ASTN2: variants seen among roughly 807,000 people sequenced by gnomAD.
The protein encoded by ASTN2 is astrotactin-2.
Under a neutral mutation model 139.8 loss-of-function variants are expected in ASTN2, and 54 were observed. The observed-to-expected ratio is 0.39, with a 90% CI of 0.31 to 0.48. ASTN2 has a LOEUF of 0.48. Among genes scored for constraint, ASTN2 ranks in the 20% least tolerant of loss-of-function variants. The pLI, the probability that ASTN2 is intolerant of heterozygous loss-of-function variation, is 0.95. For synonymous variants in ASTN2, 756 were observed against 719.5 expected, an observed-to-expected ratio of 1.05 and a Z score of -0.81; for missense variants, 1,565 against 1,725.1, an observed-to-expected ratio of 0.91 and a Z score of 1.64.
chr9:116,839,882 T>A (rs1436375482), intron 11 of ASTN2, among the ~76,000 whole-genome samples: 3 of 61,816 alleles, frequency 4.9e-5, no homozygotes, highest in Non-Finnish European at 1.0e-4. Flanking sequence ...ATTATTATTA[T>A]TTTTTTTTTT....
chr9:116,530,679 A>C (rs545938180), intron 19 of ASTN2, among the ~76,000 whole-genome samples: 1 of 152,322 alleles, frequency 6.6e-6, no homozygotes, highest in Admixed American at 6.5e-5. Flanking sequence ...AAAATGAATG[A>C]GCCAAACAGG....
chr9:117,031,470 A>T (rs540149663), intron 6 of ASTN2, among the ~76,000 whole-genome samples: 1 of 152,306 alleles, frequency 6.6e-6, no homozygotes, highest in Non-Finnish European at 1.5e-5. Flanking sequence ...GCGGGCATCA[A>T]GTATGTTTTG....
intron 3 of ASTN2, among the ~76,000 whole-genome samples, chr9:117,147,250 G>T (rs1348407773): frequency 6.6e-6 from 1 of 152,028 alleles, no homozygotes; most frequent in African/African-American, 2.4e-5. Context: ...GACAAGCCTG[G>T]CCAACATGAT....
chr9:116,910,636 T>C (rs977564951), intron 10 of ASTN2, among the ~76,000 whole-genome samples: 5 of 152,102 alleles, frequency 3.3e-5, no homozygotes, highest in Admixed American at 3.3e-4. Flanking sequence ...CACCTTTGCC[T>C]GAGTTGAGGG....
At chr9:117,083,927 G>A (rs1294309781) in intron 5 of ASTN2, among the ~76,000 whole-genome samples, 1 of 151,466 alleles carries the variant, frequency 6.6e-6, no homozygotes, top group Admixed American at 6.6e-5. Flanking sequence ...GGAGGAGGGA[G>A]TTTTTATAGT....
chr9:117,067,932 A>G (rs1211710234), intron 5 of ASTN2, among the ~76,000 whole-genome samples: 2 of 121,180 alleles, frequency 1.7e-5, no homozygotes, highest in South Asian at 5.9e-4. Context: ...TTTTCTAGAT[A>G]TACAATCATG....
At chr9:116,534,912 C>A (rs1851543454) in intron 19 of ASTN2, among the ~76,000 whole-genome samples, 1 of 152,018 alleles carries the variant, frequency 6.6e-6, no homozygotes, top group African/African-American at 2.4e-5. Flanking sequence ...TTCCTAGATA[C>A]CCTTGTTAAC....
intron 3 of ASTN2, among the ~76,000 whole-genome samples, chr9:117,188,465 C>T (rs1209217315): frequency 1.3e-5 from 2 of 152,210 alleles, no homozygotes; most frequent in Middle Eastern, 3.4e-3. Flanking sequence ...GGGCTATCAT[C>T]TCCATTTTCC....
intron 10 of ASTN2, among the ~76,000 whole-genome samples, chr9:116,970,337 G>A (rs1205299175): frequency 6.6e-6 from 1 of 152,162 alleles, no homozygotes; most frequent in Non-Finnish European, 1.5e-5. Context: ...TCTAGGTCAT[G>A]CGAATGCTAC....
At chr9:116,496,634 T>C (rs1385902648) in intron 19 of ASTN2, among the ~76,000 whole-genome samples, 2 of 152,168 alleles carry the variant, frequency 1.3e-5, no homozygotes, top group African/African-American at 4.8e-5. Context: ...TGATTCCCAT[T>C]GGTTGGGTCC....
chr9:116,805,156 A>G (rs1830998090), intron 13 of ASTN2, among the ~76,000 whole-genome samples: 1 of 148,904 alleles, frequency 6.7e-6, no homozygotes, highest in Admixed American at 6.7e-5. Context: ...GCAGACAGGA[A>G]AAAACAGAGA....
At chr9:117,268,574 A>G (rs1833989066) in intron 2 of ASTN2, among the ~76,000 whole-genome samples, 3 of 152,120 alleles carry the variant, frequency 2.0e-5, no homozygotes, top group African/African-American at 7.2e-5. Context: ...ATGACTCAGG[A>G]CCCTGACCCA....
chr9:117,148,450 G>C (rs1436917200), intron 3 of ASTN2, among the ~76,000 whole-genome samples: 1 of 151,648 alleles, frequency 6.6e-6, no homozygotes, highest in Admixed American at 6.6e-5. Context: ...TGAAATTTTT[G>C]GTGTCATAAA....
intron 1 of ASTN2, among the ~76,000 whole-genome samples, chr9:117,396,927 T>C (rs894037606): frequency 6.9e-6 from 1 of 145,506 alleles, no homozygotes; most frequent in African/African-American, 2.5e-5. Flanking sequence ...GAATGGGGTA[T>C]CCATCCACTC....
chr9:117,268,415 A>G (rs1392346941), intron 2 of ASTN2, among the ~76,000 whole-genome samples: 2 of 152,186 alleles, frequency 1.3e-5, no homozygotes, highest in African/African-American at 2.4e-5. Context: ...TATTGACTGA[A>G]GTTCAAATCC....
chr9:117,290,646 T>C (rs1834565936), intron 2 of ASTN2, among the ~76,000 whole-genome samples: 1 of 152,268 alleles, frequency 6.6e-6, no homozygotes, highest in South Asian at 2.1e-4. Flanking sequence ...CAAGAAATTC[T>C]TGAATTGAGA....
At chr9:116,827,679 C>G (rs1167013073) in intron 11 of ASTN2, among the ~76,000 whole-genome samples, 1 of 151,960 alleles carries the variant, frequency 6.6e-6, no homozygotes, top group Non-Finnish European at 1.5e-5. Flanking sequence ...GGAGATTGAA[C>G]CAGGAAGAAA....
At chr9:116,687,107 TTTC>T (rs1860269366) in intron 16 of ASTN2, 1 of 1,159,056 alleles carries the variant, frequency 8.6e-7, no homozygotes, top group South Asian at 2.2e-5. Flanking sequence ...TGGGCGTCGG[TTTC>T]TTCATCTGCA....
chr9:117,306,161 C>G (rs940487879), intron 1 of ASTN2, among the ~76,000 whole-genome samples: 3 of 152,210 alleles, frequency 2.0e-5, no homozygotes, highest in African/African-American at 7.2e-5. Context: ...CTGGCTCCCA[C>G]CCCACTTGGT....
Sources: gnomAD v4.1 joint callset for allele counts (sites outside exome capture counted in the v4.1 genomes callset) on GRCh38, gnomAD v4.1.1 for gene constraint, MANE v1.5 for transcripts, NCBI Gene and HGNC (gene_info 2026-07-23, HGNC 2026-07-21) for gene names.